PBX1: variants seen among roughly 807,000 people sequenced by gnomAD.
PBX1 encodes pre-B-cell leukemia transcription factor 1.
Under a neutral mutation model 53.4 loss-of-function variants are expected in PBX1, and 6 were observed. That is an observed-to-expected ratio of 0.11 (90% CI 0.06 to 0.22). The LOEUF (loss-of-function observed/expected upper bound fraction) is 0.22, where lower values mean the gene tolerates loss of function less well. Ranked by LOEUF, PBX1 falls within the 10% of genes least tolerant of loss-of-function variation. The pLI, the probability that PBX1 is intolerant of heterozygous loss-of-function variation, is 1.00. For missense variants in PBX1, 251 were observed against 551.4 expected, an observed-to-expected ratio of 0.46 and a Z score of 5.46; for synonymous variants, 204 against 212.3, an observed-to-expected ratio of 0.96 and a Z score of 0.34.
intron 2 of PBX1, among the ~76,000 whole-genome samples, chr1:164,619,387 G>T (rs1300687067): frequency 6.6e-6 from 1 of 152,100 alleles, no homozygotes; most frequent in African/African-American, 2.4e-5. Flanking sequence ...ACTGCACTTT[G>T]TTGGAGCTAT....
chr1:164,797,307 G>C (rs1668836519), intron 3 of PBX1, among the ~76,000 whole-genome samples: 2 of 152,134 alleles, frequency 1.3e-5, no homozygotes, highest in Admixed American at 6.5e-5. Flanking sequence ...TCCTCTCTTT[G>C]AGCCCAGACG....
At chr1:164,879,562 T>C (rs1672596793) in intron 2 of PBX1, among the ~76,000 whole-genome samples, 1 of 152,200 alleles carries the variant, frequency 6.6e-6, no homozygotes. Context: ...TGAAGATAAC[T>C]GAGCCCAGGA....
chr1:164,636,565 G>C (rs1285926645), intron 2 of PBX1, among the ~76,000 whole-genome samples: 4 of 152,116 alleles, frequency 2.6e-5, no homozygotes, highest in Non-Finnish European at 5.9e-5. Flanking sequence ...AGTGGGGTTG[G>C]GGTGTTTTAT....
At chr1:164,814,892 T>C (rs192367851) in intron 6 of PBX1, 52 of 152,290 alleles carry the variant, frequency 3.4e-4, no homozygotes, top group African/African-American at 1.2e-3. Flanking sequence ...TCTCCTATCT[T>C]CTTAAGCATA....
chr1:164,611,573 A>G (rs1656935815), intron 2 of PBX1, among the ~76,000 whole-genome samples: 1 of 152,120 alleles, frequency 6.6e-6, no homozygotes, highest in Non-Finnish European at 1.5e-5. Flanking sequence ...GTGTATACAT[A>G]ATCACTGGGG....
At chr1:164,588,308 C>A (rs1362439597) in intron 2 of PBX1, among the ~76,000 whole-genome samples, 1 of 151,852 alleles carries the variant, frequency 6.6e-6, no homozygotes, top group Non-Finnish European at 1.5e-5. Context: ...GACAAACTGG[C>A]TTTTGCTGTG....
At chr1:164,837,275 G>A (rs1311696383) in intron 8 of PBX1, among the ~76,000 whole-genome samples, 1 of 152,150 alleles carries the variant, frequency 6.6e-6, no homozygotes, top group African/African-American at 2.4e-5. Flanking sequence ...TTATAAAAAT[G>A]AAATGACGAA....
intron 2 of PBX1, among the ~76,000 whole-genome samples, chr1:164,648,946 T>C (rs1659622576): frequency 6.6e-6 from 1 of 152,216 alleles, no homozygotes; most frequent in East Asian, 1.9e-4. Flanking sequence ...ATGCTTTTTG[T>C]TTAACTGTGA....
intron 2 of PBX1, among the ~76,000 whole-genome samples, chr1:164,651,308 G>A (rs920468886): frequency 2.0e-5 from 3 of 151,962 alleles, no homozygotes; most frequent in African/African-American, 4.8e-5. Context: ...GCAAGCTGTC[G>A]GTTTGCATTG....
chr1:164,647,884 G>C (rs1197609075), intron 2 of PBX1, among the ~76,000 whole-genome samples: 2 of 150,360 alleles, frequency 1.3e-5, no homozygotes, highest in African/African-American at 2.5e-5. Context: ...GCGCGATCTC[G>C]GCTCACTGCA....
intron 2 of PBX1, among the ~76,000 whole-genome samples, chr1:164,692,647 G>A (rs1376454904): frequency 6.6e-6 from 1 of 152,176 alleles, no homozygotes; most frequent in Non-Finnish European, 1.5e-5. Flanking sequence ...CCAGGTGTGA[G>A]CGTGGGGAAT....
intron 2 of PBX1, among the ~76,000 whole-genome samples, chr1:164,592,808 G>C (rs1049227284): frequency 2.6e-5 from 4 of 152,134 alleles, no homozygotes; most frequent in Admixed American, 2.6e-4. Context: ...AGGCTCCCAC[G>C]CGCTGGCCTT....
intron 2 of PBX1, chr1:164,787,593 T>G (rs922574100): frequency 2.3e-4 from 35 of 152,230 alleles, no homozygotes; most frequent in African/African-American, 8.2e-4. Flanking sequence ...TGATCTTGAC[T>G]ATGCCTTTGG....
At chr1:164,805,294 A>G (rs3753900) in intron 4 of PBX1, among the ~76,000 whole-genome samples, 31,132 of 152,154 alleles carry the variant, frequency 0.2, 3,349 homozygotes, top group South Asian at 0.27. Context: ...AGTTAGCTCA[A>G]CCTTATTGTA....
chr1:164,776,899 TTGTGTGTGTGTG>T (rs368787176), intron 2 of PBX1, among the ~76,000 whole-genome samples: 8 of 97,160 alleles, frequency 8.2e-5, no homozygotes, highest in South Asian at 4.2e-4. Context: ...GGTTTTACAT[TTGTGTGTGTGTG>T]TGTGTGTGTG....
chr1:164,721,734 C>T (rs541338929), intron 2 of PBX1, among the ~76,000 whole-genome samples: 46 of 152,278 alleles, frequency 3.0e-4, no homozygotes, highest in African/African-American at 8.4e-4. Context: ...TCCTCCTTCT[C>T]GGCTTGACTC....
At chr1:164,782,469 C>A (rs2102277801) in intron 2 of PBX1, among the ~76,000 whole-genome samples, 1 of 152,144 alleles carries the variant, frequency 6.6e-6, no homozygotes, top group Middle Eastern at 3.4e-3. Flanking sequence ...ATCTGTAGAA[C>A]TGGAAGTAAT....
chr1:164,656,864 C>T (rs190669985), intron 2 of PBX1, among the ~76,000 whole-genome samples: 80 of 151,838 alleles, frequency 5.3e-4, no homozygotes, highest in African/African-American at 1.8e-3. Context: ...TCATACTATA[C>T]CAAGAATAGA....
At chr1:164,734,012 G>C (rs1010889057) in intron 2 of PBX1, among the ~76,000 whole-genome samples, 1 of 152,116 alleles carries the variant, frequency 6.6e-6, no homozygotes, top group African/African-American at 2.4e-5. Context: ...ACATATTTAC[G>C]TACCAAATAT....
Sources: allele counts gnomAD v4.1 joint callset (sites outside exome capture counted in the v4.1 genomes callset), GRCh38; gene constraint gnomAD v4.1.1; transcripts MANE v1.5; gene names NCBI Gene and HGNC (gene_info 2026-07-23, HGNC 2026-07-21).